ABAT: variants seen among roughly 807,000 people sequenced by gnomAD.
ABAT encodes the protein 4-aminobutyrate aminotransferase, mitochondrial.
In ABAT, 45 loss-of-function variants were observed where a neutral mutation model predicts 64.6. The observed-to-expected ratio is 0.70, with a 90% CI of 0.55 to 0.89. The LOEUF is 0.89. Among genes scored for constraint, ABAT ranks in the 40% least tolerant of loss-of-function variants. The pLI is 0.00. For synonymous variants in ABAT, 297 were observed against 250.5 expected, an observed-to-expected ratio of 1.19 and a Z score of -1.75; for missense variants, 633 against 658.4, an observed-to-expected ratio of 0.96 and a Z score of 0.42.
chr16:8,688,440 C>G (rs2057506484), intron 1 of ABAT, among the ~76,000 whole-genome samples: 2 of 152,204 alleles, frequency 1.3e-5, no homozygotes. Flanking sequence ...CCTCCTCCTT[C>G]CCTTCCTGTA....
intron 1 of ABAT, among the ~76,000 whole-genome samples, chr16:8,687,267 G>A (rs923885138): frequency 2.0e-5 from 3 of 152,328 alleles, no homozygotes; most frequent in African/African-American, 7.2e-5. Context: ...GCTCCGGTCT[G>A]TAATCCCAGC....
chr16:8,722,167 G>T (rs2058390996), intron 1 of ABAT, among the ~76,000 whole-genome samples: 1 of 152,222 alleles, frequency 6.6e-6, no homozygotes, highest in Admixed American at 6.5e-5. Flanking sequence ...AGGGGGCCAG[G>T]CCTGGGGCTA....
Position 8,729,847 on chromosome 16 carries a change from G to A in ABAT, c.-41-5852G>A, listed in dbSNP as rs200513824. ...TTGTCTTAAAAAAAAAAAAAAAAAA[G>A]ACCCTGTTTGAATGCTGGATCATCT... is the stretch of plus-strand genomic sequence containing the variant. On this transcript the variant is annotated intron_variant, in intron 1 of 15. Transcript: ENST00000268251. Among the ~76,000 whole-genome samples the A allele has an allele frequency of 1.4e-3, 87 of 62,936 alleles. 2 individuals carry two copies. The highest frequency in any genetic ancestry group is 8.3e-3 in the Admixed American group (58 of 6,994). 41.3% of individuals were successfully genotyped at this position (62,936 alleles called of 152,430 possible).
intron 1 of ABAT, chr16:8,713,340 C>A (rs2058121557): frequency 6.6e-6 from 1 of 152,018 alleles, no homozygotes; most frequent in Admixed American, 6.6e-5. Context: ...AGGGAGATAG[C>A]CTATTTTACA....
intron 1 of ABAT, among the ~76,000 whole-genome samples, chr16:8,711,323 G>A (rs2058064505): frequency 6.6e-6 from 1 of 151,938 alleles, no homozygotes; most frequent in African/African-American, 2.4e-5. Flanking sequence ...GGGGGCAACT[G>A]TCCAGGTAGG....
At chr16:8,739,488 C>T (rs1333041097) in intron 2 of ABAT, among the ~76,000 whole-genome samples, 4 of 152,106 alleles carry the variant, frequency 2.6e-5, no homozygotes, top group South Asian at 4.1e-4. Context: ...GAGGCTGAGG[C>T]GGGTGGATCA....
At chr16:8,778,579 A>G (rs1427021995) in intron 14 of ABAT, among the ~76,000 whole-genome samples, 1 of 151,964 alleles carries the variant, frequency 6.6e-6, no homozygotes, top group Non-Finnish European at 1.5e-5. Flanking sequence ...GTTCGAAACC[A>G]GCCTGGCCTA....
intron 2 of ABAT, chr16:8,736,129 G>A (rs370982589): frequency 1.1e-4 from 39 of 369,976 alleles, no homozygotes; most frequent in African/African-American, 6.4e-4. Context: ...GGGAACTCCC[G>A]TTTGTAAAAA....
intron 1 of ABAT, chr16:8,683,648 A>T (rs1320962768): frequency 6.6e-6 from 1 of 152,056 alleles, no homozygotes; most frequent in African/African-American, 2.4e-5. Flanking sequence ...GAAGCTACTT[A>T]GGTCTGTCCT....
chr16:8,771,259 C>T (rs796219133), intron 11 of ABAT, among the ~76,000 whole-genome samples: 4 of 150,758 alleles, frequency 2.7e-5, no homozygotes, highest in African/African-American at 9.8e-5. Context: ...TGCGCTATTG[C>T]ACTCCAGCCT....
chr16:8,682,177 C>T (rs970127478), intron 1 of ABAT, among the ~76,000 whole-genome samples: 1 of 127,464 alleles, frequency 7.8e-6, no homozygotes, highest in Admixed American at 8.7e-5. Context: ...TTGCTTGTGC[C>T]TAACAGGATA....
chr16:8,766,739 C>A (rs7200724), intron 9 of ABAT, among the ~76,000 whole-genome samples: 70 of 152,192 alleles, frequency 4.6e-4, no homozygotes, highest in East Asian at 3.7e-3. Flanking sequence ...GAGGCCGAGG[C>A]GGGTGGATCT....
intron 2 of ABAT, chr16:8,738,360 C>G (rs1281527394): frequency 4.4e-6 from 2 of 454,320 alleles, no homozygotes; most frequent in African/African-American, 4.0e-5. Context: ...AAGAAACTGA[C>G]CTTGGTATGT....
rs1386561050 is a variant in ABAT, at chr16:8,783,368, G to C, written c.*1938G>C. On this transcript the variant is annotated 3_prime_UTR_variant, in exon 16 of 16. Transcript: ENST00000268251. ...CAAGCAGGCGCCAAGTGCTATGACA[G>C]AGGTGTGAATAAAAGCATCAGGAAA... The C allele has an allele frequency of 2.6e-5, 4 of 152,230 alleles. No homozygotes were observed. The highest frequency in any genetic ancestry group is 9.6e-5 in the African/African-American group (4 of 41,544). The allele number at this position is 152,230 out of a possible 1,614,324, so 9.4% of individuals were successfully genotyped here. A position where few individuals can be genotyped will look rare whatever the true frequency, so the allele number is the denominator to read the frequency against.
chr16:8,766,442 G>C (rs1004697049), intron 9 of ABAT, among the ~76,000 whole-genome samples, 172 bp downstream of exon 9: 1 of 152,150 alleles, frequency 6.6e-6, no homozygotes, highest in African/African-American at 2.4e-5. Flanking sequence ...ATCACCCAAG[G>C]TCAGGAGTTC....
At chr16:8,750,592 A>C in intron 5 of ABAT, 53 bp downstream of exon 5, 2 of 1,529,280 alleles carry the variant, frequency 1.3e-6, no homozygotes, top group East Asian at 2.2e-5. Flanking sequence ...TGTCTCTCCT[A>C]GTCGTGGCTA....
At position 8,783,785 on chromosome 16, in the gene ABAT, G is replaced by A. The variant is rs377430915; in HGVS notation, c.*2355G>A. The stretch of plus-strand genomic sequence containing the variant: ...ACCAGAAAAGTGGCTCTCTTTGGTA[G>A]GGAGAGGGGCTCCAATATTTCGTTC... On this transcript the variant is annotated 3_prime_UTR_variant, in exon 16 of 16. Coordinates refer to ENST00000268251, the MANE Select transcript of ABAT (RefSeq NM_020686.6). 47 of 152,292 alleles carry A rather than the reference G, an allele frequency of 3.1e-4. 2 individuals are homozygous for A. The highest frequency in any genetic ancestry group is 2.3e-3 in the East Asian group (12 of 5,192). The allele number at this position is 152,292 out of a possible 1,614,324, so 9.4% of individuals were successfully genotyped here.
At chr16:8,697,516 C>T (rs765352057) in intron 1 of ABAT, among the ~76,000 whole-genome samples, 5 of 152,134 alleles carry the variant, frequency 3.3e-5, no homozygotes, top group Non-Finnish European at 5.9e-5. Context: ...CGGAACAGTC[C>T]AGGCATGAGC....
At chr16:8,735,381 A>C (rs898662543) in intron 1 of ABAT, among the ~76,000 whole-genome samples, 11 of 151,946 alleles carry the variant, frequency 7.2e-5, no homozygotes, top group African/African-American at 2.7e-4. Context: ...CCTCCTGAGT[A>C]GCTGGGACTA....
Sources: gnomAD v4.1 joint callset for allele counts (sites outside exome capture counted in the v4.1 genomes callset) on GRCh38, gnomAD v4.1.1 for gene constraint, MANE v1.5 for transcripts, NCBI Gene and HGNC (gene_info 2026-07-23, HGNC 2026-07-21) for gene names.